The following TTLL11 variants were observed in gnomAD, a reference collection of about 807,000 sequenced individuals.
TTLL11 encodes the protein tubulin tyrosine ligase like 11.
In TTLL11, 42 loss-of-function variants were observed where a neutral mutation model predicts 51.7. That is an observed-to-expected ratio of 0.81 (90% CI 0.64 to 1.05). The LOEUF is 1.05. TTLL11 is among the 50% of genes least tolerant of loss of function. The pLI, the probability that TTLL11 is intolerant of heterozygous loss-of-function variation, is 0.00. For missense variants in TTLL11, 799 were observed against 940.4 expected (o/e 0.85, Z 1.97); for synonymous variants, 381 against 383.5 (o/e 0.99, Z 0.08).
At chr9:121,943,932 T>C (rs1426877905) in intron 6 of TTLL11, among the ~76,000 whole-genome samples, 1 of 152,210 alleles carries the variant, frequency 6.6e-6, no homozygotes, top group African/African-American at 2.4e-5. Flanking sequence ...GACTGCCCAT[T>C]TCTTTCTTCA....
intron 3 of TTLL11, among the ~76,000 whole-genome samples, chr9:122,003,338 T>C (rs57129189): frequency 0.027 from 4,036 of 152,226 alleles, 183 homozygotes; most frequent in African/African-American, 0.092. Flanking sequence ...TGTGGACTGA[T>C]TATAATGTCA....
At chr9:121,992,844 C>G (rs548812409) in intron 3 of TTLL11, among the ~76,000 whole-genome samples, 4 of 152,106 alleles carry the variant, frequency 2.6e-5, no homozygotes, top group Non-Finnish European at 4.4e-5. Context: ...GGAAAGTCAC[C>G]CCGTTCAAAA....
At chr9:122,063,641 T>A (rs904928840) in intron 1 of TTLL11, among the ~76,000 whole-genome samples, 1 of 152,216 alleles carries the variant, frequency 6.6e-6, no homozygotes, top group Non-Finnish European at 1.5e-5. Flanking sequence ...AATTTTAACT[T>A]CTTATGGTTC....
chr9:121,880,352 C>A (rs1431005701), intron 6 of TTLL11, among the ~76,000 whole-genome samples: 2 of 152,164 alleles, frequency 1.3e-5, no homozygotes, highest in African/African-American at 4.8e-5. Context: ...CCACATCCCT[C>A]CCTCCTTTTA....
intron 6 of TTLL11, among the ~76,000 whole-genome samples, chr9:121,961,853 C>CG (rs1564328537): frequency 5.3e-5 from 8 of 152,026 alleles, no homozygotes; most frequent in African/African-American, 1.9e-4. Flanking sequence ...GTCAGGAGTT[C>CG]AAGACCAGCC....
At chr9:121,932,095 A>G (rs1841008266) in intron 6 of TTLL11, among the ~76,000 whole-genome samples, 1 of 152,130 alleles carries the variant, frequency 6.6e-6, no homozygotes, top group African/African-American at 2.4e-5. Context: ...CCAATGTCCT[A>G]CATAGCAAGC....
At chr9:121,903,896 A>T (rs1839848027) in intron 6 of TTLL11, among the ~76,000 whole-genome samples, 1 of 152,192 alleles carries the variant, frequency 6.6e-6, no homozygotes, top group Non-Finnish European at 1.5e-5. Flanking sequence ...CTGTGCTTTG[A>T]ATGGAGTGAC....
intron 6 of TTLL11, among the ~76,000 whole-genome samples, chr9:121,933,127 T>TAA (rs1485950468): frequency 2.6e-5 from 4 of 152,204 alleles, no homozygotes; most frequent in Admixed American, 2.6e-4. Context: ...GTGAAACTTG[T>TAA]AAAATAGGTA....
chr9:121,927,446 C>A (rs1282964937), intron 6 of TTLL11, among the ~76,000 whole-genome samples: 1 of 152,220 alleles, frequency 6.6e-6, no homozygotes, highest in South Asian at 2.1e-4. Flanking sequence ...AACACCCTCT[C>A]CCTGAACTAT....
intron 1 of TTLL11, among the ~76,000 whole-genome samples, chr9:122,063,517 T>A (rs58483583): frequency 0.3 from 46,080 of 151,906 alleles, 7,463 homozygotes; most frequent in African/African-American, 0.39. Context: ...TCACTATTAT[T>A]GAGTTCAAAA....
At chr9:121,852,366 C>T (rs557658761) in intron 8 of TTLL11, among the ~76,000 whole-genome samples, 34 of 152,284 alleles carry the variant, frequency 2.2e-4, no homozygotes, top group African/African-American at 7.7e-4. Context: ...TGCCCCCTCT[C>T]AGGGCTTCCC....
At chr9:121,932,677 G>GATAC (rs1564312242) in intron 6 of TTLL11, among the ~76,000 whole-genome samples, 5 of 151,130 alleles carry the variant, frequency 3.3e-5, no homozygotes, top group African/African-American at 1.2e-4. Flanking sequence ...CAGGCTGATA[G>GATAC]ATCTAGATAA....
chr9:121,845,070 T>A (rs1170153474), intron 8 of TTLL11, among the ~76,000 whole-genome samples: 3 of 152,040 alleles, frequency 2.0e-5, no homozygotes, highest in Non-Finnish European at 2.9e-5. Flanking sequence ...GAGAAAATCA[T>A]ATTTAAACTG....
intron 8 of TTLL11, among the ~76,000 whole-genome samples, chr9:121,838,781 A>AAGAAAGCAAGC (rs1837259775): frequency 7.1e-6 from 1 of 139,898 alleles, no homozygotes; most frequent in Non-Finnish European, 1.5e-5. Context: ...AGCAAGCAAG[A>AAGAAAGCAAGC]AAGCAAGCAA....
intron 1 of TTLL11, among the ~76,000 whole-genome samples, chr9:122,055,715 C>T (rs1451389500): frequency 1.3e-5 from 2 of 152,170 alleles, no homozygotes; most frequent in Non-Finnish European, 2.9e-5. Flanking sequence ...AAGCTTTTTA[C>T]CTATGCTGTC....
In TTLL11 at chr9:121,989,857, G is replaced by C; in HGVS notation, c.694-87C>G. The C allele has an allele frequency of 6.6e-7, 1 of 1,512,308 alleles. No individual in the cohort carries two copies. Among genetic ancestry groups the C allele is most frequent in the Middle Eastern group, 1.8e-4 (1 of 5,434 alleles). 93.7% of individuals were successfully genotyped at this position (1,512,308 alleles called of 1,614,324 possible). On this transcript the variant is annotated intron_variant, in intron 3 of 8. Transcript: ENST00000321582. The surrounding 1 kb of genome is among the most constrained non-coding windows in gnomAD (Gnocchi z 4.2). ...AGCAAGGCCTTAGCAAATGTGTGGT[G>C]AATGAGTGACAAGATGATCCCTGCC...
chr9:121,986,913 G>T (rs1266484867), intron 4 of TTLL11, among the ~76,000 whole-genome samples: 1 of 151,800 alleles, frequency 6.6e-6, no homozygotes, highest in African/African-American at 2.4e-5. Flanking sequence ...ATAATAAATT[G>T]TGCATATTCA....
chr9:122,085,891 C>G (rs1235990466), intron 1 of TTLL11, among the ~76,000 whole-genome samples: 1 of 152,208 alleles, frequency 6.6e-6, no homozygotes, highest in Non-Finnish European at 1.5e-5. Context: ...AGGATTTTAA[C>G]CCACATCTGT....
At chr9:121,918,609 A>C (rs1840421823) in intron 6 of TTLL11, among the ~76,000 whole-genome samples, 1 of 152,204 alleles carries the variant, frequency 6.6e-6, no homozygotes, top group South Asian at 2.1e-4. Flanking sequence ...GCATCATTAG[A>C]GATAAATTTA....
Sources: gnomAD v4.1 joint callset for allele counts (sites outside exome capture counted in the v4.1 genomes callset) on GRCh38, gnomAD v4.1.1 for gene constraint, Gnocchi (gnomAD v3.1) non-coding constraint, MANE v1.5 for transcripts, NCBI Gene and HGNC (gene_info 2026-07-23, HGNC 2026-07-21) for gene names.